Variants in DACH1 observed in about 807,000 individuals in gnomAD.
The protein encoded by DACH1 is dachshund homolog 1.
A neutral mutation model predicts 54.2 loss-of-function variants in DACH1; 12 were observed. The ratio of observed to expected loss-of-function variants is 0.22; its 90% confidence interval spans 0.14 to 0.36. The LOEUF is 0.36. Among genes scored for constraint, DACH1 ranks in the 10% least tolerant of loss-of-function variants. The probability of loss-of-function intolerance (pLI) is 1.00; values close to 1 mark genes in which losing one functional copy is unlikely to be tolerated. For synonymous variants in DACH1, 386 were observed against 366.2 expected, an observed-to-expected ratio of 1.05 and a Z score of -0.62; for missense variants, 805 against 929.8, an observed-to-expected ratio of 0.87 and a Z score of 1.75.
At chr13:71,754,904 A>G (rs1885079879) in intron 1 of DACH1, among the ~76,000 whole-genome samples, 1 of 152,192 alleles carries the variant, frequency 6.6e-6, no homozygotes, top group South Asian at 2.1e-4. Context: ...TCCTTGGGTC[A>G]CATCGCTTTT....
chr13:71,584,237 T>C (rs1873066421), intron 3 of DACH1, among the ~76,000 whole-genome samples: 1 of 152,196 alleles, frequency 6.6e-6, no homozygotes, highest in Non-Finnish European at 1.5e-5. Flanking sequence ...AAACAAAATT[T>C]TTCAAAACGA....
chr13:71,733,398 T>C (rs978512768), intron 1 of DACH1, among the ~76,000 whole-genome samples: 1 of 152,104 alleles, frequency 6.6e-6, no homozygotes, highest in African/African-American at 2.4e-5. Context: ...CCCAAGCTGG[T>C]CTTGAAGTCC....
chr13:71,823,095 T>C (rs1314566297), intron 1 of DACH1, among the ~76,000 whole-genome samples: 1 of 152,088 alleles, frequency 6.6e-6, no homozygotes, highest in Non-Finnish European at 1.5e-5. Flanking sequence ...ATTAACTGTG[T>C]TCATAAATTA....
At chr13:71,790,261 C>A (rs939210007) in intron 1 of DACH1, among the ~76,000 whole-genome samples, 37 of 151,946 alleles carry the variant, frequency 2.4e-4, no homozygotes, top group African/African-American at 8.2e-4. Flanking sequence ...TTTAGTCGAA[C>A]CTATATATAC....
At chr13:71,801,583 G>A (rs1329958272) in intron 1 of DACH1, among the ~76,000 whole-genome samples, 1 of 152,106 alleles carries the variant, frequency 6.6e-6, no homozygotes, top group East Asian at 1.9e-4. Flanking sequence ...GTGATACACT[G>A]ATGGGCAAAG....
At chr13:71,658,505 G>A (rs915662755) in intron 2 of DACH1, among the ~76,000 whole-genome samples, 2 of 152,046 alleles carry the variant, frequency 1.3e-5, no homozygotes, top group East Asian at 1.9e-4. Context: ...AGCTGAGATC[G>A]TGCCACTGCC....
intron 1 of DACH1, among the ~76,000 whole-genome samples, chr13:71,725,677 G>C (rs1883437228): frequency 6.6e-6 from 1 of 151,910 alleles, no homozygotes; most frequent in East Asian, 1.9e-4. Context: ...ATATCTATTA[G>C]AGAAATAAGC....
chr13:71,544,162 A>G (rs1381136215), intron 6 of DACH1, among the ~76,000 whole-genome samples: 3 of 152,138 alleles, frequency 2.0e-5, no homozygotes, highest in Non-Finnish European at 4.4e-5. Flanking sequence ...AACAAGCCAT[A>G]GGTGTAGAAA....
At chr13:71,864,179 A>C (rs956585005) in intron 1 of DACH1, among the ~76,000 whole-genome samples, 1 of 108,172 alleles carries the variant, frequency 9.2e-6, no homozygotes, top group Non-Finnish European at 1.7e-5. Flanking sequence ...GCGCGCGCAC[A>C]TACACACACA....
At chr13:71,501,380 G>A (rs1370762979) in intron 6 of DACH1, among the ~76,000 whole-genome samples, 1 of 152,098 alleles carries the variant, frequency 6.6e-6, no homozygotes, top group Non-Finnish European at 1.5e-5. Flanking sequence ...AGAGATTTTA[G>A]GAGTGATAAA....
intron 6 of DACH1, among the ~76,000 whole-genome samples, chr13:71,541,741 TA>T (rs1206545675): frequency 9.2e-5 from 14 of 152,024 alleles, no homozygotes; most frequent in Non-Finnish European, 4.4e-5. Context: ...TTCTTGTTAT[TA>T]AAGAAAAAGA....
chr13:71,492,322 G>C (rs1250629659), intron 6 of DACH1, among the ~76,000 whole-genome samples: 1 of 152,066 alleles, frequency 6.6e-6, no homozygotes, highest in Non-Finnish European at 1.5e-5. Context: ...AGATCATTTT[G>C]GTTTAGGATG....
At chr13:71,816,517 A>G (rs549126773) in intron 1 of DACH1, among the ~76,000 whole-genome samples, 9 of 151,106 alleles carry the variant, frequency 6.0e-5, no homozygotes, top group Non-Finnish European at 1.3e-4. Flanking sequence ...ATGTCCATCA[A>G]TGATATACTA....
At chr13:71,713,612 G>T (rs534543597) in intron 1 of DACH1, among the ~76,000 whole-genome samples, 6 of 152,106 alleles carry the variant, frequency 3.9e-5, no homozygotes, top group African/African-American at 1.4e-4. Context: ...ATGAAATTTT[G>T]TCTATGTTCT....
At chr13:71,717,433 T>G (rs549406430) in intron 1 of DACH1, among the ~76,000 whole-genome samples, 31 of 151,812 alleles carry the variant, frequency 2.0e-4, no homozygotes, top group African/African-American at 6.0e-4. Context: ...AGATAGCAGT[T>G]CATGCCTCAT....
chr13:71,522,391 C>T (rs1287030416), intron 6 of DACH1, among the ~76,000 whole-genome samples: 3 of 151,948 alleles, frequency 2.0e-5, no homozygotes, highest in African/African-American at 4.8e-5. Flanking sequence ...CTTCCTACCA[C>T]CACGCCGCAC....
chr13:71,592,017 G>A (rs1301071593), intron 3 of DACH1, among the ~76,000 whole-genome samples: 1 of 152,106 alleles, frequency 6.6e-6, no homozygotes, highest in Non-Finnish European at 1.5e-5. Flanking sequence ...TCATTGTGAG[G>A]TAGCAGACAA....
chr13:71,515,070 C>T (rs1881059865), intron 6 of DACH1, among the ~76,000 whole-genome samples: 1 of 151,836 alleles, frequency 6.6e-6, no homozygotes, highest in African/African-American at 2.4e-5. Flanking sequence ...CCTACCTTTC[C>T]TTTGAGTCAC....
chr13:71,447,156 A>G (rs986594544), intron 10 of DACH1, among the ~76,000 whole-genome samples: 8 of 152,312 alleles, frequency 5.3e-5, no homozygotes, highest in Non-Finnish European at 8.8e-5. Context: ...GAATTTTTGT[A>G]TGCTGTTTGT....
Sources: gnomAD v4.1 joint callset for allele counts (sites outside exome capture counted in the v4.1 genomes callset) on GRCh38, gnomAD v4.1.1 for gene constraint, MANE v1.5 for transcripts, NCBI Gene and HGNC (gene_info 2026-07-23, HGNC 2026-07-21) for gene names.